Variants in TRIM37 observed in about 807,000 individuals in gnomAD.
TRIM37 encodes tripartite motif containing 37.
Under a neutral mutation model 129.8 loss-of-function variants are expected in TRIM37, and 80 were observed. The ratio of observed to expected loss-of-function variants is 0.62; its 90% confidence interval spans 0.51 to 0.74. TRIM37 has a LOEUF of 0.74. TRIM37 is among the 30% of genes least tolerant of loss of function. The probability of loss-of-function intolerance (pLI) is 0.00; values close to 1 mark genes in which losing one functional copy is unlikely to be tolerated. For missense variants in TRIM37, 1,054 were observed against 1,176.5 expected, an observed-to-expected ratio of 0.90 and a Z score of 1.52; for synonymous variants, 389 against 387.1, an observed-to-expected ratio of 1.00 and a Z score of -0.06.
At chr17:59,061,271 T>C (rs1568133934) in intron 11 of TRIM37, among the ~76,000 whole-genome samples, 163 bp from the exon 12 acceptor site, 1 of 151,920 alleles carries the variant, frequency 6.6e-6, no homozygotes, top group Non-Finnish European at 1.5e-5. Flanking sequence ...AACTTTAAAC[T>C]TTTGTGCATT....
intron 19 of TRIM37, among the ~76,000 whole-genome samples, chr17:59,020,089 G>A (rs530442038): frequency 2.6e-5 from 4 of 151,614 alleles, no homozygotes; most frequent in Admixed American, 6.6e-5. Context: ...AAATTAGCCC[G>A]GTGTGGTGGC....
chr17:58,970,372 C>A, the TRIM37 span, among the ~76,000 whole-genome samples: 1 of 152,074 alleles, frequency 6.6e-6, no homozygotes, highest in Non-Finnish European at 1.5e-5. Context: ...AATTATCGTT[C>A]TGGGTATTGG....
chr17:59,041,097 T>C (rs1201520829), intron 17 of TRIM37, among the ~76,000 whole-genome samples: 1 of 150,528 alleles, frequency 6.6e-6, no homozygotes, highest in Non-Finnish European at 1.5e-5. Flanking sequence ...GAGGAGAACA[T>C]GGGTAAAACA....
chr17:59,009,443 C>CTTTTTT (rs61545184), intron 22 of TRIM37, among the ~76,000 whole-genome samples: 6 of 107,598 alleles, frequency 5.6e-5, no homozygotes, highest in African/African-American at 1.3e-4. Flanking sequence ...AATTTCTTTT[C>CTTTTTT]TTTTTTTTTT....
chr17:58,987,996 AT>A (rs2031976886), intron 24 of TRIM37, among the ~76,000 whole-genome samples: 1 of 152,224 alleles, frequency 6.6e-6, no homozygotes, highest in Non-Finnish European at 1.5e-5. Context: ...AAATTAGGAC[AT>A]TTTTTCGAAT....
chr17:59,051,709 A>G (rs2040361845), intron 13 of TRIM37, among the ~76,000 whole-genome samples: 1 of 152,142 alleles, frequency 6.6e-6, no homozygotes, highest in African/African-American at 2.4e-5. Flanking sequence ...TTTCTTCCCT[A>G]AATGAGGCCC....
At position 59,106,451 on chromosome 17, in the gene TRIM37, T is replaced by G. The variant is rs1204798514; in HGVS notation, c.11A>C (p.Gln4Pro). 1.9e-6 allele frequency: 3 copies of G among 1,614,088 alleles called. No individual in the cohort carries two copies. The South Asian group carries it at 3.3e-5, about 18-fold the overall frequency. Residue 4 changes from glutamine (Q) to proline (P), a missense_variant, in exon 1 of 24, where the codon CAG (glutamine) becomes CCG (proline). This residue lies in a region of TRIM37 where 752 missense variants were observed against 870.8 expected (regional missense o/e 0.86). Transcript: ENST00000262294. ...TCACAACCCCCTCACCTCCACGCTCTGTTCATCCATTGCCTCCGGCTCTCG... is the reference window on the plus strand; with the variant it reads ...TCACAACCCCCTCACCTCCACGCTCGGTTCATCCATTGCCTCCGGCTCTCG... MDEQSVESIAEVFR... is the reference protein window; with the variant it reads MDEPSVESIAEVFR...
intron 14 of TRIM37, 113 bp from the exon 15 acceptor site, chr17:59,049,506 T>C (rs2040146763): frequency 3.1e-6 from 3 of 972,024 alleles, no homozygotes; most frequent in Middle Eastern, 3.1e-4. Context: ...GCTTTATTTA[T>C]TTTTTGAGAA....
At chr17:58,995,506 A>G (rs1213498521), downstream of TRIM37, among the ~76,000 whole-genome samples, 1 of 152,162 alleles carries the variant, frequency 6.6e-6, no homozygotes, top group Non-Finnish European at 1.5e-5. Context: ...GCTACAAAAT[A>G]TTAACAGTAT....
intron 13 of TRIM37, among the ~76,000 whole-genome samples, chr17:59,056,216 T>C (rs1446081497): frequency 1.3e-5 from 2 of 151,966 alleles, no homozygotes; most frequent in African/African-American, 4.8e-5. Flanking sequence ...CTTTTTTTTT[T>C]CTTTTTAAAA....
intron 24 of TRIM37, among the ~76,000 whole-genome samples, chr17:58,992,531 C>T (rs1222243826): frequency 6.6e-6 from 1 of 151,792 alleles, no homozygotes; most frequent in African/African-American, 2.4e-5. Context: ...CAGGCATGCG[C>T]CACCACGCCT....
At chr17:59,086,751 T>A (rs1044584477) in intron 4 of TRIM37, among the ~76,000 whole-genome samples, 1 of 152,200 alleles carries the variant, frequency 6.6e-6, no homozygotes, top group African/African-American at 2.4e-5. Flanking sequence ...TTTTACAATA[T>A]AGAAAATTTG....
intron 10 of TRIM37, 71 bp from the exon 11 acceptor site, chr17:59,062,719 G>T: frequency 2.4e-6 from 3 of 1,247,440 alleles, no homozygotes; most frequent in South Asian, 1.2e-5. Context: ...CAAAAAGAAA[G>T]ACCAACCAGT....
chr17:58,988,878 T>G (rs951476108), intron 24 of TRIM37, among the ~76,000 whole-genome samples: 1 of 152,190 alleles, frequency 6.6e-6, no homozygotes, highest in African/African-American at 2.4e-5. Context: ...ACTATTAGAT[T>G]GGCATAAAAG....
intron 8 of TRIM37, 49 bp downstream of exon 8, chr17:59,075,598 C>T (rs769068131): frequency 2.1e-6 from 2 of 948,494 alleles, no homozygotes; most frequent in Admixed American, 3.6e-5. Context: ...CTACAGTATA[C>T]AGAGAAAAAA....
chr17:59,028,442 A>G lies in TRIM37; in HGVS notation c.2230T>C (p.Ser744Pro). ...DLGMELLAKS[S>P]VANCYIRNST... ...TTTCGTATGTAACAATTGGCAACTGATGACTTTGCCAGGAGTTCCATTCCC... is the reference window on the plus strand; with the variant it reads ...TTTCGTATGTAACAATTGGCAACTGGTGACTTTGCCAGGAGTTCCATTCCC... The change falls in exon 19 of 24, where the codon TCA (serine) becomes CCA (proline). Residue 744 changes from serine to proline, a missense_variant. By Grantham distance (74) the Ser-to-Pro change is moderately conservative (BLOSUM62 -1). This residue lies in a region of TRIM37 where 287 missense variants were observed against 274.3 expected (regional missense o/e 1.05). Coordinates refer to ENST00000262294, the MANE Select transcript of TRIM37 (RefSeq NM_015294.6). 1 of 1,613,682 alleles carries G rather than the reference A, an allele frequency of 6.2e-7. No homozygotes were observed. Among genetic ancestry groups the G allele is most frequent in the Non-Finnish European group, 8.5e-7 (1 of 1,180,038 alleles).
chr17:59,091,206 G>C, intron 3 of TRIM37, 94 bp downstream of exon 3: 1 of 792,646 alleles, frequency 1.3e-6, no homozygotes, highest in Admixed American at 2.1e-5. Context: ...AAGAGAAATG[G>C]GCAGACTGCA....
intron 19 of TRIM37, among the ~76,000 whole-genome samples, chr17:59,021,854 G>C (rs8064501): frequency 6.6e-6 from 1 of 151,902 alleles, no homozygotes; most frequent in Middle Eastern, 3.4e-3. Flanking sequence ...CATTGTAAGC[G>C]TGTATCAAAA....
chr17:59,098,676 A>AG (rs2045152941), intron 2 of TRIM37, among the ~76,000 whole-genome samples: 1 of 151,806 alleles, frequency 6.6e-6, no homozygotes, highest in South Asian at 2.1e-4. Flanking sequence ...TTTAAAAAAA[A>AG]AAAAAAAAAA....
Sources: gnomAD v4.1 joint callset for allele counts (sites outside exome capture counted in the v4.1 genomes callset) on GRCh38, gnomAD v4.1.1 for gene constraint, gnomAD v4.1.1 regional missense constraint, MANE v1.5 for transcripts, NCBI Gene and HGNC (gene_info 2026-07-23, HGNC 2026-07-21) for gene names.